Variants in ZPLD1 observed in about 807,000 individuals in gnomAD.
The protein encoded by ZPLD1 is zona pellucida like domain containing 1.
In ZPLD1, 34 loss-of-function variants were observed where a neutral mutation model predicts 47.2. That is an observed-to-expected ratio of 0.72 (90% CI 0.55 to 0.96). ZPLD1 has a LOEUF of 0.96. Among genes scored for constraint, ZPLD1 ranks in the 40% least tolerant of loss-of-function variants. The pLI is 0.00. For synonymous variants in ZPLD1, 176 were observed against 186.2 expected (o/e 0.95, Z 0.45); for missense variants, 512 against 505.8 (o/e 1.01, Z -0.12).
chr3:102,402,817 A>T (rs1282045344), intron 7 of ZPLD1, among the ~76,000 whole-genome samples: 1 of 152,006 alleles, frequency 6.6e-6, no homozygotes, highest in Non-Finnish European at 1.5e-5. Flanking sequence ...TTAAATGTCA[A>T]AGATATTAGT....
chr3:102,477,753 G>C lies in ZPLD1; in HGVS notation c.*135G>C. Reference sequence around the variant, plus strand: ...TTTGATAAATTTCACAGTATAGCTTGTCAGCATAATGATAGTGAAAGAAGT... The same window carrying C: ...TTTGATAAATTTCACAGTATAGCTTCTCAGCATAATGATAGTGAAAGAAGT... On this transcript the variant is annotated 3_prime_UTR_variant, in exon 12 of 12. Transcript: ENST00000466937. 4 of 822,226 alleles carry C rather than the reference G, an allele frequency of 4.9e-6. No individual in the cohort carries two copies. In the East Asian group the frequency reaches 8.6e-5, roughly 18 times the overall value. The allele number at this position is 822,226 out of a possible 1,614,324, so 50.9% of individuals were successfully genotyped here.
intron 7 of ZPLD1, among the ~76,000 whole-genome samples, chr3:102,398,023 A>T (rs1167114614): frequency 2.6e-5 from 4 of 152,108 alleles, no homozygotes; most frequent in African/African-American, 9.7e-5. Context: ...ACTTAAGATA[A>T]ATGTGTGTGT....
At chr3:102,456,136 G>A in intron 4 of ZPLD1, 57 bp from the exon 5 acceptor site, 1 of 1,370,354 alleles carries the variant, frequency 7.3e-7, no homozygotes, top group Non-Finnish European at 9.8e-7. Flanking sequence ...TGCATATGAA[G>A]TGCCTAGATG....
intron 3 of ZPLD1, among the ~76,000 whole-genome samples, chr3:102,451,744 C>T (rs865956367): frequency 6.6e-6 from 1 of 152,142 alleles, no homozygotes; most frequent in African/African-American, 2.4e-5. Context: ...TGTGCCTGGG[C>T]TTGTAGATGC....
intron 7 of ZPLD1, among the ~76,000 whole-genome samples, chr3:102,408,012 G>GT (rs1219721306): frequency 1.3e-5 from 2 of 151,662 alleles, no homozygotes; most frequent in Non-Finnish European, 2.9e-5. Flanking sequence ...AATTAAGTTT[G>GT]TTTTTTGCTG....
At chr3:102,393,065 A>G (rs1356346697) in intron 7 of ZPLD1, among the ~76,000 whole-genome samples, 1 of 152,182 alleles carries the variant, frequency 6.6e-6, no homozygotes, top group African/African-American at 2.4e-5. Flanking sequence ...GGCCTAAACA[A>G]TATGAATTTG....
chr3:102,413,097 T>C (rs1706764084), intron 7 of ZPLD1, among the ~76,000 whole-genome samples: 1 of 151,802 alleles, frequency 6.6e-6, no homozygotes, highest in African/African-American at 2.4e-5. Flanking sequence ...CATCTGTCCT[T>C]TGGTGTGTAT....
At chr3:102,471,161 C>T (rs895263657) in intron 10 of ZPLD1, among the ~76,000 whole-genome samples, 1 of 152,154 alleles carries the variant, frequency 6.6e-6, no homozygotes, top group Non-Finnish European at 1.5e-5. Flanking sequence ...TTTGAGTGCG[C>T]TGCAGCCTCT....
intron 5 of ZPLD1, among the ~76,000 whole-genome samples, 193 bp downstream of exon 5, chr3:102,456,567 A>ATCTATCTG (rs1161007809): frequency 1.3e-5 from 2 of 151,652 alleles, no homozygotes; most frequent in African/African-American, 4.9e-5. Flanking sequence ...CTATCTATCT[A>ATCTATCTG]TCTATCTATC....
At chr3:102,453,293 A>C (rs1027373920) in intron 4 of ZPLD1, among the ~76,000 whole-genome samples, 154 bp downstream of exon 4, 1 of 152,248 alleles carries the variant, frequency 6.6e-6, no homozygotes, top group South Asian at 2.1e-4. Context: ...TGCACTAGCA[A>C]ATATACAATT....
intron 8 of ZPLD1, among the ~76,000 whole-genome samples, chr3:102,422,471 C>G (rs1270706220): frequency 6.6e-6 from 1 of 152,040 alleles, no homozygotes; most frequent in Non-Finnish European, 1.5e-5. Context: ...TTGAGAAATG[C>G]TGATCTAAAT....
intron 7 of ZPLD1, among the ~76,000 whole-genome samples, chr3:102,392,982 T>A (rs925938072): frequency 1.3e-5 from 2 of 152,194 alleles, no homozygotes; most frequent in Non-Finnish European, 2.9e-5. Context: ...TTGATATCTG[T>A]TTACATGCAT....
chr3:102,439,397 T>C (rs978574884), intron 3 of ZPLD1, among the ~76,000 whole-genome samples: 1 of 152,188 alleles, frequency 6.6e-6, no homozygotes, highest in Non-Finnish European at 1.5e-5. Flanking sequence ...GTGCGATTTC[T>C]ACAACAGAGC....
At chr3:102,401,311 T>C in intron 7 of ZPLD1, among the ~76,000 whole-genome samples, 1 of 152,124 alleles carries the variant, frequency 6.6e-6, no homozygotes, top group East Asian at 1.9e-4. Flanking sequence ...ATGCAATTTC[T>C]AGATGCAGTC....
chr3:102,445,322 G>C (rs930834220), intron 3 of ZPLD1, among the ~76,000 whole-genome samples: 1 of 152,182 alleles, frequency 6.6e-6, no homozygotes, highest in Non-Finnish European at 1.5e-5. Context: ...CTTCAGATGA[G>C]AGAGGGAGTC....
chr3:102,466,501 A>G (rs1028075527), intron 8 of ZPLD1, among the ~76,000 whole-genome samples: 9 of 152,214 alleles, frequency 5.9e-5, no homozygotes, highest in Admixed American at 1.3e-4. Context: ...AATATATAAT[A>G]TATACATTCC....
At chr3:102,418,444 A>G (rs545224297) in intron 8 of ZPLD1, among the ~76,000 whole-genome samples, 3 of 152,168 alleles carry the variant, frequency 2.0e-5, no homozygotes, top group South Asian at 2.1e-4. Context: ...GCAGGAAGAT[A>G]GAAACAAAAT....
chr3:102,453,632 G>A (rs1273326191), intron 4 of ZPLD1, among the ~76,000 whole-genome samples: 2 of 152,222 alleles, frequency 1.3e-5, no homozygotes, highest in Non-Finnish European at 2.9e-5. Flanking sequence ...AAAAGGGGCT[G>A]TCAGTATTTC....
At chr3:102,468,492 A>G (rs1216203661) in intron 8 of ZPLD1, among the ~76,000 whole-genome samples, 1 of 152,178 alleles carries the variant, frequency 6.6e-6, no homozygotes, top group Non-Finnish European at 1.5e-5. Flanking sequence ...ATACGGAAAG[A>G]TCTCTAACAC....
Sources: gnomAD v4.1 joint callset for allele counts (sites outside exome capture counted in the v4.1 genomes callset) on GRCh38, gnomAD v4.1.1 for gene constraint, MANE v1.5 for transcripts, NCBI Gene and HGNC (gene_info 2026-07-23, HGNC 2026-07-21) for gene names.